Variants in RRP12 observed in about 807,000 individuals in gnomAD.
The protein encoded by RRP12 is ribosomal RNA processing 12 homolog.
Under a neutral mutation model 157.3 loss-of-function variants are expected in RRP12, and 78 were observed. The observed-to-expected ratio is 0.50, with a 90% CI of 0.41 to 0.60. The LOEUF (loss-of-function observed/expected upper bound fraction) is 0.60, where lower values mean the gene tolerates loss of function less well. Among genes scored for constraint, RRP12 ranks in the 20% least tolerant of loss-of-function variants. The pLI, the probability that RRP12 is intolerant of heterozygous loss-of-function variation, is 0.00. For missense variants in RRP12, 1,521 were observed against 1,679.9 expected (o/e 0.91, Z 1.65); for synonymous variants, 726 against 670.9 (o/e 1.08, Z -1.27).
chr10:97,400,592 C>G, intron 1 of RRP12, 58 bp from the exon 2 acceptor site: 1 of 1,438,418 alleles, frequency 7.0e-7, no homozygotes, highest in East Asian at 2.3e-5. Context: ...GAGAACAGAA[C>G]AACCCCTGGG....
chr10:97,385,287 C>T (rs1482810395), intron 9 of RRP12, 30 bp from the exon 10 acceptor site: 2 of 1,545,318 alleles, frequency 1.3e-6, no homozygotes, highest in South Asian at 2.2e-5. Flanking sequence ...GGTGACTGAG[C>T]ATGCAGGGTC....
At chr10:97,372,965 G>A (rs1844199587) in intron 18 of RRP12, 81 bp downstream of exon 18, 1 of 1,484,020 alleles carries the variant, frequency 6.7e-7, no homozygotes. Context: ...CGTGAGCCCT[G>A]GTGGGTAGGG....
In RRP12 at chr10:97,379,727, G is replaced by A. The variant is rs765724877; in HGVS notation, c.1577C>T (p.Pro526Leu). 1.2e-6 allele frequency: 2 copies of A among 1,613,794 alleles called. No homozygotes were observed. Among genetic ancestry groups the A allele is most frequent in the African/African-American group, 1.3e-5 (1 of 75,022 alleles). ...TGCCTGGTCAAGAGCCGCCGTGTGG[G>A]GGAAATGAGGGGAGAGGCGCAGGTC... is the stretch of plus-strand genomic sequence containing the variant. ...LCDLRLSPHF[P>L]HTAALDQAVG... Residue 526 changes from proline (P) to leucine (L), a missense_variant, in exon 14 of 34, where the codon CCC becomes CTC. Coordinates refer to ENST00000370992, the MANE Select transcript of RRP12 (RefSeq NM_015179.4).
chr10:97,396,625 C>T (rs1844972056), intron 2 of RRP12, among the ~76,000 whole-genome samples: 1 of 152,148 alleles, frequency 6.6e-6, no homozygotes, highest in Non-Finnish European at 1.5e-5. Flanking sequence ...TAATAATGTA[C>T]TGTAGTTGTC....
At position 97,366,636 on chromosome 10, in the gene RRP12, C is replaced by T. The variant is rs1843989928; in HGVS notation, c.3216-15G>A. 1.2e-6 allele frequency: 2 copies of T among 1,605,952 alleles called. No homozygotes were observed. The highest frequency in any genetic ancestry group is 8.5e-7 in the Non-Finnish European group (1 of 1,174,670). On this transcript the variant is annotated splice_polypyrimidine_tract_variant and intron_variant, in intron 27 of 33. Coordinates refer to ENST00000370992, the MANE Select transcript of RRP12 (RefSeq NM_015179.4). ...TCTCCTCAATGCTAAGGACAAAAAG[C>T]CCCCAGTCAGAGTGCTCCCAGGAGA...
chr10:97,357,613 A>G (rs1350012871), intron 33 of RRP12, among the ~76,000 whole-genome samples: 1 of 152,208 alleles, frequency 6.6e-6, no homozygotes, highest in African/African-American at 2.4e-5. Context: ...AAACAACTCT[A>G]ATTTCCTACC....
intron 3 of RRP12, among the ~76,000 whole-genome samples, chr10:97,394,215 C>T (rs953848913): frequency 1.3e-5 from 2 of 151,836 alleles, no homozygotes; most frequent in Non-Finnish European, 2.9e-5. Flanking sequence ...TGGTGGCGGG[C>T]GCCTGTAGTC....
intron 20 of RRP12, 188 bp from the exon 21 acceptor site, chr10:97,371,269 G>A (rs987943331): frequency 1.6e-6 from 1 of 638,590 alleles, no homozygotes; most frequent in Non-Finnish European, 2.7e-6. Context: ...GGTTGGGGGT[G>A]TGTGCCGTGG....
chr10:97,356,498 C>A (rs1589404625), downstream of RRP12: 1 of 152,474 alleles, frequency 6.6e-6, no homozygotes, highest in South Asian at 2.1e-4. Flanking sequence ...GACACCAGCC[C>A]TGGGGCATTC....
Position 97,366,150 on chromosome 10 carries a change from C to G in RRP12, c.3475G>C (p.Glu1159Gln). ...TCCTCCATCTTGTTGCCGTCTGCCT[C>G]CTCCCTTATGATCAGCCGGCCATCG... Reference protein sequence around the residue: ...SADGRLIIREEADGNKMEEEE... With the variant: ...SADGRLIIREQADGNKMEEEE... The change falls in exon 29 of 34, where the codon GAG (glutamate) becomes CAG (glutamine). Residue 1159 changes from glutamate to glutamine, a missense_variant. Glu to Gln is a conservative substitution (Grantham distance 29, BLOSUM62 2). Transcript: ENST00000370992. 6.2e-7 allele frequency: 1 copy of G among 1,606,934 alleles called. No homozygotes were observed.
Position 97,373,215 on chromosome 10 carries a change from A to G in RRP12, c.2027-15T>C, listed in dbSNP as rs965868657. ...ACGGTCAGCCTCTGGTAAAAGGATC[A>G]AAGTTTGCACTAAAGGCACAGGAGC... is the stretch of plus-strand genomic sequence containing the variant. On this transcript the variant is annotated splice_polypyrimidine_tract_variant and intron_variant, in intron 17 of 33. Transcript: ENST00000370992. 6.2e-7 allele frequency: 1 copy of G among 1,613,356 alleles called. No individual in the cohort carries two copies. The highest frequency in any genetic ancestry group is 8.5e-7 in the Non-Finnish European group (1 of 1,179,522).
chr10:97,372,811 C>G lies in RRP12; in HGVS notation c.2182-8G>C, dbSNP rs1234732523. 6.4e-7 allele frequency: 1 copy of G among 1,559,484 alleles called. No homozygotes were observed. Among genetic ancestry groups the G allele is most frequent in the Admixed American group, 1.9e-5 (1 of 52,140 alleles). ...CAGGAGACTGTTCACCAACTTGTGG[C>G]CCCGAGGGAATGAGGAGAAGAGAGT... On this transcript the variant is annotated splice_region_variant and splice_polypyrimidine_tract_variant and intron_variant, in intron 18 of 33. Coordinates refer to ENST00000370992, the MANE Select transcript of RRP12 (RefSeq NM_015179.4).
Position 97,379,629 on chromosome 10 carries a change from CAGAGCCA to C in RRP12, c.1668_1674del (p.Asp556GlufsTer39). 7.4e-6 allele frequency: 12 copies of C among 1,613,840 alleles called. No homozygotes were observed. The highest frequency in any genetic ancestry group is 7.6e-6 in the Non-Finnish European group (9 of 1,179,890). On this transcript the variant is annotated frameshift_variant and splice_region_variant, in exon 14 of 34. Transcript: ENST00000370992. LOFTEE classifies it high-confidence loss of function. ...GAAGCCAGCCAGGGCCACACTTACT[CAGAGCCA>C]TCAATTTCCAAAGGCACAGCCTGCA...
intron 4 of RRP12, chr10:97,393,322 C>T (rs779603140): frequency 2.2e-5 from 10 of 447,064 alleles, no homozygotes; most frequent in Non-Finnish European, 4.4e-5. Flanking sequence ...GCACTGCAGG[C>T]CCTATAGACA....
rs41303833 is a variant in RRP12 at position 97,390,719 on chromosome 10, A to T, written c.636+20T>A. On this transcript the variant is annotated intron_variant, in intron 5 of 33. Coordinates refer to ENST00000370992, the MANE Select transcript of RRP12 (RefSeq NM_015179.4). The stretch of plus-strand genomic sequence containing the variant: ...GGCTCTGGGAGTCGCCAGATGAGAA[A>T]CTAAACCCCAGACACTAACCCATCG... The T allele has an allele frequency of 6.4e-7, 1 of 1,568,806 alleles. No homozygotes were observed. Among genetic ancestry groups the T allele is most frequent in the African/African-American group, 1.4e-5 (1 of 73,982 alleles).
intron 3 of RRP12, among the ~76,000 whole-genome samples, chr10:97,394,409 T>C (rs927249331): frequency 3.3e-5 from 5 of 152,102 alleles, no homozygotes; most frequent in Non-Finnish European, 5.9e-5. Context: ...AGATAGATAG[T>C]TTTTTTGAGA....
Position 97,366,639 on chromosome 10 carries a change from CCAGT to C in RRP12, c.3216-22_3216-19del, listed in dbSNP as rs752579658. The C allele has an allele frequency of 3.7e-6, 6 of 1,605,698 alleles. No homozygotes were observed. The South Asian group carries it at 5.5e-5, about 15-fold the overall frequency. Reference sequence around the variant, plus strand: ...CCTCAATGCTAAGGACAAAAAGCCCCCAGTCAGAGTGCTCCCAGGAGAGGCGGGG... The same window carrying C: ...CCTCAATGCTAAGGACAAAAAGCCCCCAGAGTGCTCCCAGGAGAGGCGGGG... On this transcript the variant is annotated intron_variant, in intron 27 of 33. Coordinates refer to ENST00000370992, the MANE Select transcript of RRP12 (RefSeq NM_015179.4).
At chr10:97,384,216 C>T (rs550720135) in intron 10 of RRP12, among the ~76,000 whole-genome samples, 3 of 134,504 alleles carry the variant, frequency 2.2e-5, no homozygotes, top group South Asian at 2.4e-4. Flanking sequence ...GCTCTGAGCA[C>T]CCCCAACCTC....
intron 12 of RRP12, 119 bp downstream of exon 12, chr10:97,381,267 C>G: frequency 2.7e-6 from 2 of 746,064 alleles, no homozygotes; most frequent in South Asian, 3.9e-5. Context: ...CCTGCAATCC[C>G]GTAAAGCACT....
Sources: gnomAD v4.1 joint callset for allele counts (sites outside exome capture counted in the v4.1 genomes callset) on GRCh38, gnomAD v4.1.1 for gene constraint, MANE v1.5 for transcripts, NCBI Gene and HGNC (gene_info 2026-07-23, HGNC 2026-07-21) for gene names.